SGCZ: variants seen among roughly 807,000 people sequenced by gnomAD.
The protein encoded by SGCZ is sarcoglycan zeta, also known as zeta-sarcoglycan.
SGCZ carries 40 observed loss-of-function variants against 41.3 expected under a neutral mutation model. The ratio of observed to expected loss-of-function variants is 0.97; its 90% CI spans 0.75 to 1.26. The LOEUF (loss-of-function observed/expected upper bound fraction) is 1.26, where lower values mean the gene tolerates loss of function less well. SGCZ is among the 50% of genes most tolerant of loss of function. SGCZ has a pLI of 0.00. For missense variants in SGCZ, 552 were observed against 369.8 expected (o/e 1.49, Z -4.04); for synonymous variants, 206 against 137.5 (o/e 1.50, Z -3.49).
chr8:15,191,634 G>A (rs1342154112), intron 1 of SGCZ, among the ~76,000 whole-genome samples: 1 of 151,886 alleles, frequency 6.6e-6, no homozygotes, highest in Non-Finnish European at 1.5e-5. Flanking sequence ...AATACATAGA[G>A]AAAACAGACA....
intron 1 of SGCZ, among the ~76,000 whole-genome samples, chr8:14,882,612 C>T (rs1172153112): frequency 3.3e-5 from 5 of 152,186 alleles, no homozygotes; most frequent in African/African-American, 1.2e-4. Context: ...ACCAATCACT[C>T]AGATAGCAAT....
At chr8:14,362,663 C>T (rs1226983905) in intron 2 of SGCZ, among the ~76,000 whole-genome samples, 1 of 152,142 alleles carries the variant, frequency 6.6e-6, no homozygotes, top group Non-Finnish European at 1.5e-5. Flanking sequence ...GATGAGGCGA[C>T]ACCCCATGCT....
intron 1 of SGCZ, among the ~76,000 whole-genome samples, chr8:15,084,395 C>T (rs1276761511): frequency 4.6e-5 from 7 of 151,972 alleles, no homozygotes; most frequent in African/African-American, 1.2e-4. Context: ...AATAAATGTG[C>T]GAAGACATTA....
At chr8:14,987,139 G>C (rs181503453) in intron 1 of SGCZ, among the ~76,000 whole-genome samples, 303 of 151,914 alleles carry the variant, frequency 2.0e-3, no homozygotes, top group Non-Finnish European at 3.6e-3. Flanking sequence ...TTAGAAAACT[G>C]TTTACCACAG....
chr8:14,383,773 A>G (rs1212308308), intron 2 of SGCZ, among the ~76,000 whole-genome samples: 1 of 152,162 alleles, frequency 6.6e-6, no homozygotes, highest in African/African-American at 2.4e-5. Flanking sequence ...GTGAGGTTGT[A>G]AGATCAGGGA....
At chr8:14,447,316 T>C (rs558731294) in intron 2 of SGCZ, among the ~76,000 whole-genome samples, 25 of 152,328 alleles carry the variant, frequency 1.6e-4, no homozygotes, top group African/African-American at 5.3e-4. Context: ...TGCATGTTTT[T>C]TTATTTAATT....
chr8:15,223,797 A>C (rs929300528), intron 1 of SGCZ, among the ~76,000 whole-genome samples: 1 of 152,184 alleles, frequency 6.6e-6, no homozygotes, highest in Admixed American at 6.5e-5. Flanking sequence ...CGAGAACTAG[A>C]AAAAGTATAG....
chr8:14,980,005 T>C (rs945274372), intron 1 of SGCZ, among the ~76,000 whole-genome samples: 3 of 152,210 alleles, frequency 2.0e-5, no homozygotes, highest in African/African-American at 7.2e-5. Flanking sequence ...GTATCCTTCA[T>C]GACAAACTTA....
At chr8:14,400,883 T>G (rs1260008155) in intron 2 of SGCZ, among the ~76,000 whole-genome samples, 1 of 152,172 alleles carries the variant, frequency 6.6e-6, no homozygotes, top group East Asian at 1.9e-4. Flanking sequence ...CCAAAGAGTT[T>G]AAATTAATTT....
intron 3 of SGCZ, among the ~76,000 whole-genome samples, chr8:14,308,395 T>C (rs911295828): frequency 2.0e-5 from 3 of 152,058 alleles, no homozygotes; most frequent in Non-Finnish European, 4.4e-5. Flanking sequence ...CTGCAGTATT[T>C]GTGAGTGGAT....
chr8:14,302,892 T>C (rs527323160), intron 3 of SGCZ, among the ~76,000 whole-genome samples: 81 of 152,168 alleles, frequency 5.3e-4, no homozygotes, highest in Non-Finnish European at 1.0e-3. Context: ...GGAAGCAATA[T>C]CTGAATTTTC....
chr8:14,839,905 G>T (rs1405090794), intron 1 of SGCZ, among the ~76,000 whole-genome samples: 1 of 152,172 alleles, frequency 6.6e-6, no homozygotes, highest in East Asian at 1.9e-4. Context: ...CAGTAGAAAT[G>T]ATATTAACAT....
intron 1 of SGCZ, among the ~76,000 whole-genome samples, chr8:14,784,913 A>AAAAAAAATAT (rs1408574493): frequency 3.2e-4 from 28 of 88,008 alleles, no homozygotes; most frequent in African/African-American, 1.2e-3. Flanking sequence ...AAAAAAAAAA[A>AAAAAAAATAT]ATATATATAT....
At chr8:14,448,799 T>G (rs1241079456) in intron 2 of SGCZ, among the ~76,000 whole-genome samples, 1 of 152,162 alleles carries the variant, frequency 6.6e-6, no homozygotes, top group East Asian at 1.9e-4. Context: ...GCCCTACCAG[T>G]CTTTCTGGCC....
At chr8:14,429,932 A>T (rs371871081) in intron 2 of SGCZ, among the ~76,000 whole-genome samples, 1 of 152,064 alleles carries the variant, frequency 6.6e-6, no homozygotes, top group Non-Finnish European at 1.5e-5. Flanking sequence ...CTAGTTTTCT[A>T]ATTTGTGCAC....
intron 1 of SGCZ, among the ~76,000 whole-genome samples, chr8:14,639,324 C>G (rs958272591): frequency 1.3e-5 from 2 of 151,608 alleles, no homozygotes; most frequent in Non-Finnish European, 2.9e-5. Flanking sequence ...CATTTGAGTG[C>G]TGTCATTAAA....
At chr8:14,812,825 T>A (rs562209505) in intron 1 of SGCZ, among the ~76,000 whole-genome samples, 2 of 152,296 alleles carry the variant, frequency 1.3e-5, no homozygotes, top group East Asian at 1.9e-4. Flanking sequence ...TCCACAATTA[T>A]CAAGCATGCT....
chr8:14,641,744 A>T (rs1807034557), intron 1 of SGCZ, among the ~76,000 whole-genome samples: 1 of 151,644 alleles, frequency 6.6e-6, no homozygotes, highest in Non-Finnish European at 1.5e-5. Context: ...GATGACATAA[A>T]TTATAAACCC....
At chr8:14,882,821 G>A (rs527476792) in intron 1 of SGCZ, among the ~76,000 whole-genome samples, 7 of 151,958 alleles carry the variant, frequency 4.6e-5, no homozygotes, top group South Asian at 4.2e-4. Flanking sequence ...AGACCCTGTC[G>A]GCTCAGCATC....
Sources: gnomAD v4.1 joint callset for allele counts (sites outside exome capture counted in the v4.1 genomes callset) on GRCh38, gnomAD v4.1.1 for gene constraint, MANE v1.5 for transcripts, NCBI Gene and HGNC (gene_info 2026-07-23, HGNC 2026-07-21) for gene names.